The following BTBD9 variants were observed in gnomAD, a reference collection of about 807,000 sequenced individuals.
BTBD9 encodes the protein BTB/POZ domain-containing protein 9.
BTBD9 carries 49 observed loss-of-function variants against 64.3 expected under a neutral mutation model. The observed-to-expected ratio is 0.76, with a 90% confidence interval of 0.61 to 0.97. The LOEUF (loss-of-function observed/expected upper bound fraction) is 0.97. Among genes scored for constraint, BTBD9 ranks in the 50% least tolerant of loss-of-function variants. The probability of loss-of-function intolerance (pLI) is 0.00; values close to 1 mark genes in which losing one functional copy is unlikely to be tolerated. For synonymous variants in BTBD9, 260 were observed against 274.7 expected (o/e 0.95, Z 0.53); for missense variants, 598 against 762.1 (o/e 0.78, Z 2.53).
chr6:38,544,444 T>C (rs1284131107), intron 6 of BTBD9, among the ~76,000 whole-genome samples: 1 of 151,976 alleles, frequency 6.6e-6, no homozygotes, highest in African/African-American at 2.4e-5. Flanking sequence ...TATGTATGTA[T>C]ATGGGGAGGG....
rs1776849487 is a variant in BTBD9 at position 38,592,599 on chromosome 6, T to C, written c.791A>G (p.Asp264Gly). The C allele has an allele frequency of 6.2e-7, 1 of 1,614,040 alleles. No homozygotes were observed. The highest frequency in any genetic ancestry group is 2.2e-5 in the East Asian group (1 of 44,866). Reference sequence around the variant, plus strand: ...ACTGAGCATGCCTCTATAATTGAGGTCCATATCCCGGCTCTCAGATCGCAC... The same window carrying C: ...ACTGAGCATGCCTCTATAATTGAGGCCCATATCCCGGCTCTCAGATCGCAC... ...IKVRSESRDM[D>G]LNYRGMLIPE... Residue 264 changes from aspartate (D) to glycine (G), a missense_variant, in exon 4 of 11, where the codon GAC (aspartate) becomes GGC (glycine). By Grantham distance (94) the Asp-to-Gly change is moderately conservative. Transcript: ENST00000481247.
chr6:38,367,155 T>A (rs556822401), intron 6 of BTBD9, among the ~76,000 whole-genome samples: 1 of 152,338 alleles, frequency 6.6e-6, no homozygotes, highest in Admixed American at 6.5e-5. Context: ...CTGATCCTGC[T>A]TTCCCCTTCC....
chr6:38,591,343 T>C (rs1776780836), intron 4 of BTBD9, among the ~76,000 whole-genome samples: 2 of 152,204 alleles, frequency 1.3e-5, no homozygotes, highest in African/African-American at 4.8e-5. Context: ...TCTTATACTA[T>C]TCAAATCAAA....
chr6:38,443,492 C>T (rs1424990619), intron 6 of BTBD9, among the ~76,000 whole-genome samples: 1 of 152,144 alleles, frequency 6.6e-6, no homozygotes, highest in Non-Finnish European at 1.5e-5. Context: ...TCCCAATTTC[C>T]CACTATAAAG....
At chr6:38,334,958 G>C (rs911342200) in intron 7 of BTBD9, among the ~76,000 whole-genome samples, 7 of 152,120 alleles carry the variant, frequency 4.6e-5, no homozygotes, top group Non-Finnish European at 8.8e-5. Flanking sequence ...ACGTGTTGAG[G>C]GAGGGACCTG....
intron 6 of BTBD9, among the ~76,000 whole-genome samples, chr6:38,426,837 G>GGCTTGCCACCATCTCGGAAGCA (rs1020194163): frequency 3.3e-5 from 5 of 151,804 alleles, no homozygotes; most frequent in African/African-American, 1.2e-4. Flanking sequence ...GAGAACACGA[G>GGCTTGCCACCATCTCGGAAGCA]GCTTGCCACC....
rs545842932 is a variant in BTBD9 at position 38,259,830 on chromosome 6, T to C, written c.1455-3314A>G. On this transcript the variant is annotated intron_variant, in intron 8 of 10. Transcript: ENST00000481247. Reference sequence around the variant, plus strand: ...GAAAGCATTAGTAGATGATACCTACTGATTCTCTTTAATACGCCTGAGTGT... The same window carrying C: ...GAAAGCATTAGTAGATGATACCTACCGATTCTCTTTAATACGCCTGAGTGT... Among the ~76,000 whole-genome samples, 162 of 152,338 alleles carry C rather than the reference T, an allele frequency of 1.1e-3. 1 individual carries two copies. The highest frequency in any genetic ancestry group is 1.8e-3 in the Non-Finnish European group (123 of 68,028).
At chr6:38,612,345 C>T (rs116259096) in intron 1 of BTBD9, among the ~76,000 whole-genome samples, 1,972 of 152,304 alleles carry the variant, frequency 0.013, 40 homozygotes, top group African/African-American at 0.044. Context: ...GAGCCAAGCC[C>T]AGCCTAGCCA....
At chr6:38,423,172 C>G (rs908588268) in intron 6 of BTBD9, among the ~76,000 whole-genome samples, 1 of 151,922 alleles carries the variant, frequency 6.6e-6, no homozygotes, top group Non-Finnish European at 1.5e-5. Flanking sequence ...GGCTGAGACA[C>G]GAGAATCGCT....
rs1332098120 is a variant in BTBD9, at chr6:38,174,981, T to C, written c.*4A>G. The C allele has an allele frequency of 1.2e-6, 2 of 1,613,596 alleles. No homozygotes were observed. The highest frequency in any genetic ancestry group is 2.7e-5 in the African/African-American group (2 of 74,930). The stretch of plus-strand genomic sequence containing the variant: ...ACCAAGTCACACCAGGCCCGCTGCC[T>C]CCTTTATTGGTGCTGCCGGTTGGGG... On this transcript the variant is annotated 3_prime_UTR_variant, in exon 11 of 11. Transcript: ENST00000481247.
rs59324806 is a variant in BTBD9, at chr6:38,302,485, G to GTATATATATATATATA, written c.1265-14040_1265-14025dup. Among the ~76,000 whole-genome samples, 655 of 106,740 alleles carry GTATATATATATATATA rather than the reference G, an allele frequency of 6.1e-3. 24 individuals carry two copies. Among genetic ancestry groups the GTATATATATATATATA allele is most frequent in the Non-Finnish European group, 8.3e-3 (440 of 53,238 alleles). 70.0% of individuals were successfully genotyped at this position (106,740 alleles called of 152,430 possible). On this transcript the variant is annotated intron_variant, in intron 7 of 10. Coordinates refer to ENST00000481247, the MANE Select transcript of BTBD9 (RefSeq NM_001099272.2). Reference sequence around the variant, plus strand: ...CTGAATAATATTCCATTGTGTGTATGTATATATATATATATATATATATAT... The same window carrying GTATATATATATATATA: ...CTGAATAATATTCCATTGTGTGTATGTATATATATATATATATATATATATATATATATATATATAT...
At chr6:38,596,706 C>T (rs1364703399) in intron 2 of BTBD9, among the ~76,000 whole-genome samples, 1 of 150,936 alleles carries the variant, frequency 6.6e-6, no homozygotes, top group African/African-American at 2.4e-5. Flanking sequence ...GAGGCTGAGG[C>T]AGGAGAATGG....
chr6:38,375,258 T>C (rs138209628), intron 6 of BTBD9, among the ~76,000 whole-genome samples: 9 of 152,334 alleles, frequency 5.9e-5, no homozygotes, highest in African/African-American at 1.2e-4. Flanking sequence ...CAAGGTTTAT[T>C]TGGACAACTA....
chr6:38,378,444 A>G (rs1268524714), intron 6 of BTBD9, among the ~76,000 whole-genome samples: 1 of 150,652 alleles, frequency 6.6e-6, no homozygotes, highest in Non-Finnish European at 1.5e-5. Context: ...GGGTTTCACC[A>G]TGTTGGCCAG....
chr6:38,309,728 T>A (rs1025131099), intron 7 of BTBD9, among the ~76,000 whole-genome samples: 7 of 152,026 alleles, frequency 4.6e-5, no homozygotes, highest in Admixed American at 2.0e-4. Context: ...TAATTTTTTT[T>A]AACGATCCTT....
intron 6 of BTBD9, among the ~76,000 whole-genome samples, chr6:38,505,964 CAAAAAAAAA>C (rs59014161): frequency 2.4e-5 from 2 of 82,628 alleles, no homozygotes; most frequent in Non-Finnish European, 4.8e-5. Context: ...TCCGTCTCAA[CAAAAAAAAA>C]AAAAAAAAAA....
chr6:38,458,758 A>G (rs552860393), intron 6 of BTBD9, among the ~76,000 whole-genome samples: 5 of 152,350 alleles, frequency 3.3e-5, no homozygotes, highest in African/African-American at 1.2e-4. Context: ...GATTATTTGA[A>G]AAATGGCAAA....
At chr6:38,309,306 T>G (rs1259490387) in intron 7 of BTBD9, among the ~76,000 whole-genome samples, 2 of 149,312 alleles carry the variant, frequency 1.3e-5, no homozygotes, top group African/African-American at 2.5e-5. Flanking sequence ...GAGGCAGAGG[T>G]TGCAGTGAGC....
chr6:38,239,754 T>A (rs951886679), intron 9 of BTBD9, among the ~76,000 whole-genome samples: 1 of 152,200 alleles, frequency 6.6e-6, no homozygotes, highest in Non-Finnish European at 1.5e-5. Flanking sequence ...CTCTGGAAAT[T>A]CATCATATTG....
Sources: gnomAD v4.1 joint callset for allele counts (sites outside exome capture counted in the v4.1 genomes callset) on GRCh38, gnomAD v4.1.1 for gene constraint, MANE v1.5 for transcripts, NCBI Gene and HGNC (gene_info 2026-07-23, HGNC 2026-07-21) for gene names.